The following ZC3H13 variants were observed in gnomAD, a reference collection of about 807,000 sequenced individuals.
ZC3H13 encodes zinc finger CCCH-type containing 13.
In ZC3H13, 64 loss-of-function variants were observed where a neutral mutation model predicts 204.1. The ratio of observed to expected loss-of-function variants is 0.31; its 90% CI spans 0.26 to 0.39. The LOEUF is 0.39. Among genes scored for constraint, ZC3H13 ranks in the 10% least tolerant of loss-of-function variants. The pLI is 1.00. For missense variants in ZC3H13, 1,833 were observed against 2,082.7 expected, an observed-to-expected ratio of 0.88 and a Z score of 2.33; for synonymous variants, 667 against 693.7, an observed-to-expected ratio of 0.96 and a Z score of 0.60.
At chr13:46,017,745 A>T (rs1276807750) in intron 5 of ZC3H13, among the ~76,000 whole-genome samples, 1 of 152,124 alleles carries the variant, frequency 6.6e-6, no homozygotes, top group African/African-American at 2.4e-5. Flanking sequence ...TAAAATTGTT[A>T]TTCCAGATAG....
At chr13:46,032,362 C>CAA (rs11323386) in intron 4 of ZC3H13, among the ~76,000 whole-genome samples, 1,222 of 99,616 alleles carry the variant, frequency 0.012, 11 homozygotes, top group South Asian at 0.057. Flanking sequence ...AGAAAAAGAC[C>CAA]AAAAAAAAAA....
intron 9 of ZC3H13, among the ~76,000 whole-genome samples, chr13:45,986,986 T>G (rs1729322628): frequency 6.6e-6 from 1 of 152,218 alleles, no homozygotes; most frequent in South Asian, 2.1e-4. Context: ...GGCAAAGATC[T>G]GACATATCTC....
intron 4 of ZC3H13, among the ~76,000 whole-genome samples, chr13:46,031,822 G>T (rs2042917243): frequency 6.6e-6 from 1 of 152,162 alleles, no homozygotes; most frequent in Admixed American, 6.5e-5. Flanking sequence ...ACTCATTGCT[G>T]GTGGAAATAC....
In ZC3H13 at chr13:45,967,631, A is replaced by G. The variant is rs746873769; in HGVS notation, c.4194T>C (p.His1398=). The part of the protein sequence containing the change: ...KRCEAKLEGE[H]ERDLESTSRD... The stretch of plus-strand genomic sequence containing the variant: ...GGGAAGTGCTTTCTAGATCCCTTTC[A>G]TGTTCACCTTCCAGTTTTGCTTCAC... Residue 1398 remains histidine (H), a synonymous_variant, in exon 15 of 19, where the codon CAT becomes CAC. Transcript: ENST00000679008. 1 of 1,613,988 alleles carries G rather than the reference A, an allele frequency of 6.2e-7. No individual in the cohort carries two copies. Among genetic ancestry groups the G allele is most frequent in the South Asian group, 1.1e-5 (1 of 91,068 alleles).
intron 4 of ZC3H13, among the ~76,000 whole-genome samples, chr13:46,030,131 A>G (rs1406384606): frequency 6.6e-6 from 1 of 152,230 alleles, no homozygotes; most frequent in Non-Finnish European, 1.5e-5. Flanking sequence ...GAAAACTCAC[A>G]TGATTATATC....
At position 45,968,968 on chromosome 13, in the gene ZC3H13, G is replaced by A. The variant is rs549143818; in HGVS notation, c.3576C>T (p.Leu1192=). ...KPMDQKRSSS[L]GSNRSNRSHT... The stretch of plus-strand genomic sequence containing the variant: ...GACTACGGTTACTCCGATTGCTCCC[G>A]AGGCTGCTGCTCCTCTTTTGATCCA... Residue 1192 remains leucine (L), a synonymous_variant, in exon 14 of 19, where the codon CTC becomes CTT. Transcript: ENST00000679008. The A allele has an allele frequency of 1.5e-4, 242 of 1,614,150 alleles. No homozygotes were observed. In the South Asian group the frequency reaches 2.4e-3, roughly 16 times the overall value.
chr13:45,971,740 G>A (rs1332416894), intron 12 of ZC3H13, among the ~76,000 whole-genome samples: 1 of 152,124 alleles, frequency 6.6e-6, no homozygotes, highest in Non-Finnish European at 1.5e-5. Context: ...GAAAATGTTT[G>A]CAAACTATGT....
intron 10 of ZC3H13, among the ~76,000 whole-genome samples, chr13:45,982,819 T>G (rs1460662329): frequency 6.6e-6 from 1 of 152,076 alleles, no homozygotes; most frequent in Non-Finnish European, 1.5e-5. Flanking sequence ...ACAAAAAAAA[T>G]TACATTAAAA....
chr13:45,961,574 G>A (rs1403298284), intron 17 of ZC3H13, among the ~76,000 whole-genome samples: 1 of 134,782 alleles, frequency 7.4e-6, no homozygotes, highest in African/African-American at 2.8e-5. Flanking sequence ...GTGGGGAGAT[G>A]TGGGGGTGGG....
chr13:45,968,478 C>T (rs1043414144), intron 14 of ZC3H13, among the ~76,000 whole-genome samples: 8 of 152,126 alleles, frequency 5.3e-5, no homozygotes, highest in African/African-American at 1.7e-4. Flanking sequence ...CAATAAGGGA[C>T]TTGAACACAT....
Position 46,045,502 on chromosome 13 carries a change from T to C in ZC3H13, c.6A>G (p.Ser2=), listed in dbSNP as rs766782988. Residue 2 remains serine (S), a synonymous_variant, in exon 2 of 19, where the codon TCA becomes TCG. Coordinates refer to ENST00000679008, the MANE Select transcript of ZC3H13 (RefSeq NM_001330564.2). Reference sequence around the variant, plus strand: ...CCACTGTGACCTTCCTTCTAATTTTTGACATTTTGTACTACTTCAACCAAA... The same window carrying C: ...CCACTGTGACCTTCCTTCTAATTTTCGACATTTTGTACTACTTCAACCAAA... M[S]KIRRKVTVEN... The C allele has an allele frequency of 1.1e-5, 17 of 1,613,586 alleles. No individual in the cohort carries two copies. In the Middle Eastern group the frequency reaches 1.2e-3, roughly 109 times the overall value.
chr13:46,010,795 G>A (rs937075338), intron 6 of ZC3H13, among the ~76,000 whole-genome samples: 3 of 151,640 alleles, frequency 2.0e-5, no homozygotes, highest in African/African-American at 7.3e-5. Context: ...GGGAGGCTGA[G>A]ATGGGAGGAT....
chr13:45,986,908 A>G (rs1294822082), intron 9 of ZC3H13, among the ~76,000 whole-genome samples: 1 of 152,178 alleles, frequency 6.6e-6, no homozygotes, highest in South Asian at 2.1e-4. Context: ...TCAATAACCT[A>G]TCTCCCCCAC....
chr13:46,025,701 A>G (rs1249506243), intron 4 of ZC3H13, among the ~76,000 whole-genome samples: 1 of 152,160 alleles, frequency 6.6e-6, no homozygotes, highest in Non-Finnish European at 1.5e-5. Flanking sequence ...AACATTATCA[A>G]CCAATTCCTG....
rs142207333 is a variant in ZC3H13 at position 45,957,812 on chromosome 13, G to A, written c.4840-515C>T. On this transcript the variant is annotated intron_variant, in intron 18 of 18. Coordinates refer to ENST00000679008, the MANE Select transcript of ZC3H13 (RefSeq NM_001330564.2). ...CTATACTCCTTACCAATCTTTCAAT[G>A]TCCCATAAAAAGTGAGCTCGAAAAC... 1.1e-4 allele frequency among the ~76,000 whole-genome samples: 17 copies of A among 152,194 alleles called. No homozygotes were observed. The East Asian group carries it at 3.1e-3, about 28-fold the overall frequency.
chr13:46,010,549 A>C, intron 6 of ZC3H13, 44 bp from the exon 7 acceptor site: 2 of 1,574,094 alleles, frequency 1.3e-6, no homozygotes, highest in Non-Finnish European at 8.7e-7. Flanking sequence ...TCCTCCACTT[A>C]TGGTACAACA....
rs767226965 is a variant in ZC3H13, at chr13:46,011,587, T to C, written c.449-33A>G. ...ATAAAATTGCATTACTGTTAGAAAC[T>C]AGCATAATTATCTATGCCAAAAATC... On this transcript the variant is annotated intron_variant, in intron 5 of 18. Transcript: ENST00000679008. The C allele has an allele frequency of 1.1e-5, 17 of 1,500,204 alleles. No homozygotes were observed. In the East Asian group the frequency reaches 1.7e-4, roughly 15 times the overall value. The allele number at this position is 1,500,204 out of a possible 1,614,324, so 92.9% of individuals were successfully genotyped here. A position where few individuals can be genotyped will look rare whatever the true frequency, so the allele number is the denominator to read the frequency against.
At chr13:45,983,728 C>G (rs1257595929) in intron 10 of ZC3H13, among the ~76,000 whole-genome samples, 15 of 151,886 alleles carry the variant, frequency 9.9e-5, no homozygotes, top group Non-Finnish European at 1.5e-5. Flanking sequence ...CGCCCGGCCC[C>G]TTCTACTTAT....
chr13:46,031,555 C>T (rs2042899939), intron 4 of ZC3H13, among the ~76,000 whole-genome samples: 1 of 152,030 alleles, frequency 6.6e-6, no homozygotes, highest in South Asian at 2.1e-4. Context: ...AGGACTGTTA[C>T]CAAAAACATA....
Sources: allele counts gnomAD v4.1 joint callset (sites outside exome capture counted in the v4.1 genomes callset), GRCh38; gene constraint gnomAD v4.1.1; transcripts MANE v1.5; gene names NCBI Gene and HGNC (gene_info 2026-07-23, HGNC 2026-07-21).